Variants in PSG8 observed in about 807,000 individuals in gnomAD.
PSG8 encodes pregnancy specific beta-1-glycoprotein 8, also known as pregnancy-specific beta-1-glycoprotein 8.
A neutral mutation model predicts 42.5 loss-of-function variants in PSG8; 57 were observed. The ratio of observed to expected loss-of-function variants is 1.34; its 90% confidence interval spans 1.08 to 1.67. The LOEUF (loss-of-function observed/expected upper bound fraction) is 1.67, where lower values mean the gene tolerates loss of function less well. Ranked by LOEUF, PSG8 falls within the 40% of genes most tolerant of loss-of-function variation. PSG8 has a pLI of 0.00. For missense variants in PSG8, 783 were observed against 518.6 expected, an observed-to-expected ratio of 1.51 and a Z score of -4.95; for synonymous variants, 280 against 196.8, an observed-to-expected ratio of 1.42 and a Z score of -3.54.
downstream of PSG8, chr19:42,754,017 A>G (rs775945629): frequency 8.2e-6 from 7 of 856,648 alleles, no homozygotes; most frequent in South Asian, 4.7e-5. Flanking sequence ...GTCAATGTAG[A>G]AAACAAACCA....
At chr19:42,760,593 T>C (rs1970048690) in intron 2 of PSG8, among the ~76,000 whole-genome samples, 1 of 152,024 alleles carries the variant, frequency 6.6e-6, no homozygotes, top group African/African-American at 2.4e-5. Flanking sequence ...ACAGCATTTT[T>C]TTTTTCTGAG....
At chr19:42,762,758 G>A (rs927154454) in intron 2 of PSG8, among the ~76,000 whole-genome samples, 3 of 152,102 alleles carry the variant, frequency 2.0e-5, no homozygotes, top group South Asian at 2.1e-4. Flanking sequence ...GTTGAGGCAG[G>A]TGATTTAGTT....
rs149705152 is a variant in PSG8, at chr19:42,760,240, G to A, written c.431-1960C>T. 8.2e-3 allele frequency among the ~76,000 whole-genome samples: 1,243 copies of A among 152,172 alleles called. 16 individuals carry two copies. Among genetic ancestry groups the A allele is most frequent in the Middle Eastern group, 0.041 (12 of 290 alleles). On this transcript the variant is annotated intron_variant, in intron 2 of 4. Transcript: ENST00000306511. The stretch of plus-strand genomic sequence containing the variant: ...CGCAGAACTCCAACTTATGAAAATG[G>A]CATCAACATGAGGAAACAGTTGTAT...
intron 2 of PSG8, among the ~76,000 whole-genome samples, chr19:42,762,584 G>A (rs964794521): frequency 2.6e-5 from 4 of 152,028 alleles, no homozygotes; most frequent in Non-Finnish European, 5.9e-5. Flanking sequence ...GTCTCGCTGG[G>A]CCTGTGCTGG....
In PSG8 at chr19:42,754,347, G is replaced by A. The variant is rs753777211; in HGVS notation, c.1229C>T (p.Thr410Ile). 1 of 1,613,812 alleles carries A rather than the reference G, an allele frequency of 6.2e-7. No homozygotes were observed. The highest frequency in any genetic ancestry group is 1.1e-5 in the South Asian group (1 of 91,068). ...GATCCGCTTACCAGAGACTTTTACT[G>A]TCATGGATTTGGAGCTTTCCTTGCC... ...ATGKESSKSM[T>I]VKVSGKRIPV... The change falls in exon 5 of 5, where the codon ACA becomes ATA. Residue 410 changes from threonine to isoleucine, a missense_variant. Physicochemically the swap from Thr to Ile is moderately conservative, Grantham distance 89 (BLOSUM62 -1). Coordinates refer to ENST00000306511, the MANE Select transcript of PSG8 (RefSeq NM_182707.3).
At chr19:42,760,050 T>C (rs1216567815) in intron 2 of PSG8, among the ~76,000 whole-genome samples, 11 of 152,190 alleles carry the variant, frequency 7.2e-5, no homozygotes, top group Admixed American at 7.2e-4. Flanking sequence ...ACTCCCTGCT[T>C]CTAAATTCTG....
At chr19:42,758,625 G>T (rs1268740479) in intron 2 of PSG8, 3 of 350,296 alleles carry the variant, frequency 8.6e-6, no homozygotes, top group Admixed American at 8.2e-5. Flanking sequence ...CTTGGAGCAT[G>T]CAGTGCTGGA....
intron 2 of PSG8, among the ~76,000 whole-genome samples, chr19:42,759,532 C>G (rs1171140207): frequency 3.9e-5 from 6 of 152,142 alleles, no homozygotes; most frequent in Non-Finnish European, 7.4e-5. Flanking sequence ...CATCCCAAAT[C>G]TGAAAAATTT....
At chr19:42,754,706 C>T (rs1018745634) in intron 4 of PSG8, 119 bp from the exon 5 acceptor site, 35 of 1,342,736 alleles carry the variant, frequency 2.6e-5, no homozygotes, top group East Asian at 1.9e-4. Context: ...CCCAGCCCAA[C>T]CCCCTCTATG....
rs779728700 is a variant in PSG8, at chr19:42,763,956, C to G, written c.390G>C (p.Glu130Asp). The change falls in exon 2 of 5, where the codon GAG becomes GAC. Residue 130 changes from glutamate to aspartate, a missense_variant. Glu to Asp is a conservative substitution (Grantham distance 45). Transcript: ENST00000306511. ...YTLHIIMGGD[E>D]NRGVTGHFTF... ...TGAAATGTCCAGTTACTCCTCTATT[C>G]TCATCACCTCCCATTATGATGTGTA... The G allele has an allele frequency of 9.3e-6, 15 of 1,613,478 alleles. No homozygotes were observed. Among genetic ancestry groups the G allele is most frequent in the South Asian group, 3.3e-5 (3 of 91,050 alleles).
At chr19:42,756,905 T>G (rs1046353675) in intron 3 of PSG8, among the ~76,000 whole-genome samples, 1 of 151,724 alleles carries the variant, frequency 6.6e-6, no homozygotes, top group African/African-American at 2.4e-5. Context: ...GGTGTTACAT[T>G]GAATCCGCAA....
At chr19:42,761,819 AATT>A (rs1568379235) in intron 2 of PSG8, among the ~76,000 whole-genome samples, 5 of 102,958 alleles carry the variant, frequency 4.9e-5, no homozygotes, top group African/African-American at 1.4e-4. Context: ...ACATTTCAAT[AATT>A]TTTTTTTTTT....
In PSG8 at chr19:42,754,415, C is replaced by A. The variant is rs950604642; in HGVS notation, c.1161G>T (p.Lys387Asn). 3 of 1,613,826 alleles carry A rather than the reference C, an allele frequency of 1.9e-6. No individual in the cohort carries two copies. The highest frequency in any genetic ancestry group is 2.5e-6 in the Non-Finnish European group (3 of 1,179,792). Residue 387 changes from lysine (K) to asparagine (N), a missense_variant, in exon 5 of 5, where the codon AAG (lysine) becomes AAT (asparagine). By Grantham distance (94) the Lys-to-Asn change is moderately conservative. Transcript: ENST00000306511. The part of the protein sequence containing the change: ...QKLFIPQITT[K>N]HSGLYACSVR... ...CAGAGCAAGCATAGAGCCCGCTATG[C>A]TTTGTAGTAATTTGGGGGATAAAGA... is the stretch of plus-strand genomic sequence containing the variant.
chr19:42,760,366 G>A (rs1452971239), intron 2 of PSG8, among the ~76,000 whole-genome samples: 1 of 152,144 alleles, frequency 6.6e-6, no homozygotes, highest in Non-Finnish European at 1.5e-5. Context: ...TACAGCCTTT[G>A]TAGTTGTCCC....
At chr19:42,759,765 G>C (rs1378900442) in intron 2 of PSG8, among the ~76,000 whole-genome samples, 1 of 152,162 alleles carries the variant, frequency 6.6e-6, no homozygotes, top group Admixed American at 6.5e-5. Flanking sequence ...GTTTTCATGA[G>C]TGGAAATTTT....
chr19:42,761,732 G>A (rs1970078968), intron 2 of PSG8, among the ~76,000 whole-genome samples: 1 of 149,250 alleles, frequency 6.7e-6, no homozygotes, highest in Non-Finnish European at 1.5e-5. Context: ...TGGGGAGGCT[G>A]ATTTGAGTAA....
At chr19:42,761,611 C>G (rs1277167795) in intron 2 of PSG8, among the ~76,000 whole-genome samples, 8 of 152,030 alleles carry the variant, frequency 5.3e-5, no homozygotes, top group Admixed American at 5.2e-4. Context: ...TAAGGGCAAA[C>G]AGATCATTTC....
chr19:42,758,947 G>C (rs748164162), intron 2 of PSG8: 13 of 155,100 alleles, frequency 8.4e-5, no homozygotes, highest in African/African-American at 3.2e-4. Flanking sequence ...ATGACCTACA[G>C]AGAGTGAAGG....
chr19:42,763,781 C>A (rs893627484), intron 2 of PSG8, 135 bp downstream of exon 2: 1 of 1,523,054 alleles, frequency 6.6e-7, no homozygotes, highest in African/African-American at 1.4e-5. Context: ...GTGTCCTGCA[C>A]TAAATGCCCA....
Sources: allele counts gnomAD v4.1 joint callset (sites outside exome capture counted in the v4.1 genomes callset), GRCh38; gene constraint gnomAD v4.1.1; transcripts MANE v1.5; gene names NCBI Gene and HGNC (gene_info 2026-07-23, HGNC 2026-07-21).